CYP2J2: variants seen among roughly 807,000 people sequenced by gnomAD.
The protein encoded by CYP2J2 is cytochrome P450 family 2 subfamily J member 2.
A neutral mutation model predicts 48.8 loss-of-function variants in CYP2J2; 41 were observed. The ratio of observed to expected loss-of-function variants is 0.84; its 90% CI spans 0.66 to 1.09. The LOEUF is 1.09. Ranked by LOEUF, CYP2J2 falls within the 50% of genes least tolerant of loss-of-function variation. CYP2J2 has a pLI of 0.00. For synonymous variants in CYP2J2, 221 were observed against 227.1 expected (o/e 0.97, Z 0.24); for missense variants, 644 against 617.3 (o/e 1.04, Z -0.46).
Position 59,921,768 on chromosome 1 carries a change from T to A in CYP2J2, c.210+4769A>T, listed in dbSNP as rs1250269671. Among the ~76,000 whole-genome samples the A allele has an allele frequency of 2.6e-5, 4 of 152,174 alleles. No homozygotes were observed. The East Asian group carries it at 7.8e-4, about 30-fold the overall frequency. ...ATCCTAAAGAGACCTAGAAGAGCCA[T>A]GGCAAGATTAACCATGCTGATTAAT... is the stretch of plus-strand genomic sequence containing the variant. On this transcript the variant is annotated intron_variant, in intron 1 of 8. Transcript: ENST00000371204.
intron 1 of CYP2J2, among the ~76,000 whole-genome samples, chr1:59,916,431 G>A (rs905228537): frequency 6.6e-6 from 1 of 152,186 alleles, no homozygotes; most frequent in African/African-American, 2.4e-5. Flanking sequence ...GGATAAAACT[G>A]TAATAAAATA....
the CYP2J2 span, among the ~76,000 whole-genome samples, chr1:59,958,936 T>C: frequency 2.0e-5 from 3 of 152,196 alleles, no homozygotes; most frequent in Non-Finnish European, 4.4e-5. Flanking sequence ...TACTTTATGC[T>C]CCTGCAATTC....
At chr1:59,959,353 A>G in the CYP2J2 span, among the ~76,000 whole-genome samples, 1 of 152,152 alleles carries the variant, frequency 6.6e-6, no homozygotes, top group Non-Finnish European at 1.5e-5. Context: ...CAGTGTGTAG[A>G]TTCCTTACAT....
chr1:59,905,527 GC>G (rs1350754114), intron 6 of CYP2J2, among the ~76,000 whole-genome samples: 1 of 152,012 alleles, frequency 6.6e-6, no homozygotes, highest in Non-Finnish European at 1.5e-5. Flanking sequence ...GCTGGGGTGG[GC>G]CCAAGTATTC....
At chr1:59,943,330 G>C in the CYP2J2 span, among the ~76,000 whole-genome samples, 2 of 152,158 alleles carry the variant, frequency 1.3e-5, no homozygotes, top group African/African-American at 4.8e-5. Context: ...GCCGAATGGA[G>C]AAAGAGAGAG....
At chr1:59,954,859 A>G in the CYP2J2 span, among the ~76,000 whole-genome samples, 1 of 152,100 alleles carries the variant, frequency 6.6e-6, no homozygotes, top group Non-Finnish European at 1.5e-5. Flanking sequence ...AAATGTAGCC[A>G]GGCATGGTGG....
chr1:59,926,535 A>G lies in CYP2J2; in HGVS notation c.210+2T>C. The G allele has an allele frequency of 6.2e-7, 1 of 1,613,310 alleles. No individual in the cohort carries two copies. The highest frequency in any genetic ancestry group is 1.3e-5 in the African/African-American group (1 of 75,032). On this transcript the variant is annotated splice_donor_variant, in intron 1 of 8. Coordinates refer to ENST00000371204, the MANE Select transcript of CYP2J2 (RefSeq NM_000775.4). LOFTEE classifies it high-confidence loss of function. ...ACGCTAGGCACCTTCTCCCACTCCT[A>G]CCAGCTGAACCTCCAGGTGCGACTG...
At position 59,909,953 on chromosome 1, in the gene CYP2J2, T is replaced by C. The variant is rs536183984; in HGVS notation, c.692A>G (p.Asn231Ser). The C allele has an allele frequency of 3.7e-6, 6 of 1,601,770 alleles. No individual in the cohort carries two copies. The South Asian group carries it at 4.5e-5, about 12-fold the overall frequency. Residue 231 changes from asparagine (N) to serine (S), a missense_variant, in exon 5 of 9, where the codon AAT becomes AGT. Physicochemically the swap from Asn to Ser is conservative, Grantham distance 46. Coordinates refer to ENST00000371204, the MANE Select transcript of CYP2J2 (RefSeq NM_000775.4). Reference protein sequence around the residue: ...LEASKTCQLYNVFPWIMKFLP... With the variant: ...LEASKTCQLYSVFPWIMKFLP... Reference sequence around the variant, plus strand: ...GAATTTCATTATCCATGGAAAGACATTGTAGAGCTAATTGAGAAAAACAAA... The same window carrying C: ...GAATTTCATTATCCATGGAAAGACACTGTAGAGCTAATTGAGAAAAACAAA...
At chr1:59,962,410 A>G in the CYP2J2 span, among the ~76,000 whole-genome samples, 1 of 152,120 alleles carries the variant, frequency 6.6e-6, no homozygotes, top group South Asian at 2.1e-4. Flanking sequence ...AGAGGAGAAG[A>G]GCTCCAATAG....
the CYP2J2 span, among the ~76,000 whole-genome samples, chr1:59,937,644 A>G: frequency 2.0e-5 from 3 of 152,052 alleles, no homozygotes; most frequent in Non-Finnish European, 4.4e-5. Context: ...ATCCCTTTGA[A>G]TAAAGTTTCT....
In CYP2J2 at chr1:59,893,789, C is replaced by G; in HGVS notation, c.1371G>C (p.Glu457Asp). ...TAAGGGAAGTGAAGAAAATAAACAG[C>G]TCAGTCCTGGCCAACTGTTCTCCGA... Reference protein sequence around the residue: ...ACLGEQLARTELFIFFTSLMQ... With the variant: ...ACLGEQLARTDLFIFFTSLMQ... The change falls in exon 9 of 9, where the codon GAG becomes GAC. Residue 457 changes from glutamate to aspartate, a missense_variant. By Grantham distance (45) the Glu-to-Asp change is conservative. Coordinates refer to ENST00000371204, the MANE Select transcript of CYP2J2 (RefSeq NM_000775.4). 6.2e-7 allele frequency: 1 copy of G among 1,612,884 alleles called. No individual in the cohort carries two copies. Among genetic ancestry groups the G allele is most frequent in the East Asian group, 2.2e-5 (1 of 44,884 alleles).
intron 7 of CYP2J2, among the ~76,000 whole-genome samples, chr1:59,903,250 G>A (rs752813300): frequency 9.9e-5 from 15 of 152,130 alleles, no homozygotes; most frequent in Non-Finnish European, 2.1e-4. Flanking sequence ...ACACTCAGAG[G>A]TACTTAGACA....
the CYP2J2 span, among the ~76,000 whole-genome samples, chr1:59,957,493 C>G: frequency 6.6e-6 from 1 of 152,198 alleles, no homozygotes; most frequent in East Asian, 1.9e-4. Flanking sequence ...CTTGACAACA[C>G]CAGGCATCGC....
chr1:59,912,373 G>T, intron 2 of CYP2J2, 62 bp from the exon 3 acceptor site: 1 of 1,523,674 alleles, frequency 6.6e-7, no homozygotes, highest in Non-Finnish European at 8.9e-7. Context: ...TCCAGCAAAT[G>T]ATATGGGAAT....
In CYP2J2 at chr1:59,926,398, G is replaced by A. The variant is rs1237778306; in HGVS notation, c.210+139C>T. On this transcript the variant is annotated intron_variant, in intron 1 of 8. Transcript: ENST00000371204. ...TGGGTTAGGAAATGAAACTCAAAGTGGGTTTTACCAGGTTACCAGCGTTAG... is the reference window on the plus strand; with the variant it reads ...TGGGTTAGGAAATGAAACTCAAAGTAGGTTTTACCAGGTTACCAGCGTTAG... 15 of 669,848 alleles carry A rather than the reference G, an allele frequency of 2.2e-5. No individual in the cohort carries two copies. The Admixed American group carries it at 2.6e-4, about 12-fold the overall frequency. 41.5% of individuals were successfully genotyped at this position (669,848 alleles called of 1,614,324 possible).
At chr1:59,912,071 G>A (rs2102124851) in intron 3 of CYP2J2, 91 bp downstream of exon 3, 1 of 1,350,408 alleles carries the variant, frequency 7.4e-7, no homozygotes, top group African/African-American at 1.5e-5. Flanking sequence ...CACAGTGCTG[G>A]GCATAGAACA....
At chr1:59,902,691 G>C (rs538815026) in intron 7 of CYP2J2, among the ~76,000 whole-genome samples, 2 of 152,072 alleles carry the variant, frequency 1.3e-5, no homozygotes, top group Non-Finnish European at 2.9e-5. Context: ...CTGAGATTAC[G>C]GGTGTGAGCC....
upstream of CYP2J2, among the ~76,000 whole-genome samples, chr1:59,930,988 G>GAAAAA: frequency 6.6e-6 from 1 of 151,942 alleles, no homozygotes; most frequent in Non-Finnish European, 1.5e-5. Context: ...AATATGTCTG[G>GAAAAA]TTTCCAGTCC....
intron 8 of CYP2J2, among the ~76,000 whole-genome samples, chr1:59,898,711 C>G (rs1015487911): frequency 6.6e-6 from 1 of 152,098 alleles, no homozygotes; most frequent in Non-Finnish European, 1.5e-5. Flanking sequence ...TCTGCAAATT[C>G]CTTGAGCATA....
Sources: gnomAD v4.1 joint callset for allele counts (sites outside exome capture counted in the v4.1 genomes callset) on GRCh38, gnomAD v4.1.1 for gene constraint, MANE v1.5 for transcripts, NCBI Gene and HGNC (gene_info 2026-07-23, HGNC 2026-07-21) for gene names.